The following RGS3 variants were observed in gnomAD, a reference collection of about 807,000 sequenced individuals.
RGS3 encodes regulator of G-protein signalling 3.
In RGS3, 80 loss-of-function variants were observed where a neutral mutation model predicts 132.6. The observed-to-expected ratio is 0.60, with a 90% CI of 0.50 to 0.73. RGS3 has a LOEUF of 0.73. Among genes scored for constraint, RGS3 ranks in the 30% least tolerant of loss-of-function variants. RGS3 has a pLI of 0.00. For missense variants in RGS3, 1,382 were observed against 1,530.8 expected, an observed-to-expected ratio of 0.90 and a Z score of 1.62; for synonymous variants, 598 against 620.6, an observed-to-expected ratio of 0.96 and a Z score of 0.54.
chr9:113,541,430 A>T (rs1275181804), intron 19 of RGS3: 12 of 1,613,258 alleles, frequency 7.4e-6, no homozygotes, highest in Non-Finnish European at 1.0e-5. Context: ...TTGGCTGAGC[A>T]AACCCAAGGG....
At chr9:113,476,754 C>T (rs1021064534) in intron 3 of RGS3, among the ~76,000 whole-genome samples, 3 of 152,230 alleles carry the variant, frequency 2.0e-5, no homozygotes, top group South Asian at 2.1e-4. Context: ...TGCCCAGCCT[C>T]GTGCAGATGC....
At chr9:113,454,338 C>T (rs1033558682) in intron 1 of RGS3, among the ~76,000 whole-genome samples, 8 of 151,906 alleles carry the variant, frequency 5.3e-5, no homozygotes, top group East Asian at 1.9e-4. Flanking sequence ...TAGCTGGGTG[C>T]GGTGCATGCC....
rs774757745 is a variant in RGS3, at chr9:113,463,807, A to C, written c.415+1606A>C. On this transcript the variant is annotated intron_variant, in intron 3 of 24. Coordinates refer to ENST00000350696, the Ensembl canonical transcript of RGS3. This position sits in a 1 kb window ranked among gnomAD's most constrained non-coding sequence, Gnocchi z 4.6. ...TCCGGGTCGCAGTGGGACGCCATGG[A>C]GCGCTCCCTGCACCGCGTCTCCCTC... is the stretch of plus-strand genomic sequence containing the variant. 2 of 1,611,164 alleles carry C rather than the reference A, an allele frequency of 1.2e-6. No individual in the cohort carries two copies. The highest frequency in any genetic ancestry group is 2.2e-5 in the South Asian group (2 of 90,808).
At chr9:113,523,088 G>C (rs1832036916) in intron 17 of RGS3, 47 bp downstream of exon 15, 5 of 1,227,338 alleles carry the variant, frequency 4.1e-6, no homozygotes, top group Non-Finnish European at 6.0e-6. Context: ...ACTTGCCCCA[G>C]TCCCACTGCT....
chr9:113,517,151 T>C, intron 15 of RGS3: 1 of 457,838 alleles, frequency 2.2e-6, no homozygotes, highest in Non-Finnish European at 4.4e-6. Flanking sequence ...TCAGGATGCC[T>C]CTTGGTCCTG....
At chr9:113,517,277 G>C (rs1470642628) in intron 15 of RGS3, 2 of 610,078 alleles carry the variant, frequency 3.3e-6, no homozygotes, top group Non-Finnish European at 6.1e-6. Flanking sequence ...CCTGTGGTTA[G>C]ACTTCCTGTC....
chr9:113,484,567 C>T (rs897726603), intron 6 of RGS3, among the ~76,000 whole-genome samples: 9 of 152,114 alleles, frequency 5.9e-5, no homozygotes, highest in South Asian at 2.1e-4. Context: ...CTCCTTTAGC[C>T]GAAGGAATTT....
chr9:113,596,658 G>A, intron 24 of RGS3, 110 bp from the exon 23 acceptor site: 1 of 870,754 alleles, frequency 1.1e-6, no homozygotes, highest in Non-Finnish European at 1.7e-6. Context: ...TTAAGATGTG[G>A]GGCAAAGGGG....
chr9:113,473,067 A>G lies in RGS3; in HGVS notation c.416-6424A>G, dbSNP rs891629754. On this transcript the variant is annotated intron_variant, in intron 3 of 24. Transcript: ENST00000350696. ...ATAATAAACAAAACTGATGAAATGTATGATATGTTAATTATATCCCAATAC... is the reference window on the plus strand; with the variant it reads ...ATAATAAACAAAACTGATGAAATGTGTGATATGTTAATTATATCCCAATAC... Among the ~76,000 whole-genome samples, 9 of 152,290 alleles carry G rather than the reference A, an allele frequency of 5.9e-5. No individual in the cohort carries two copies. In the South Asian group the frequency reaches 1.7e-3, roughly 28 times the overall value.
chr9:113,470,650 G>C (rs1564455982), intron 3 of RGS3, among the ~76,000 whole-genome samples: 1 of 152,062 alleles, frequency 6.6e-6, no homozygotes, highest in Non-Finnish European at 1.5e-5. Flanking sequence ...TTGTAGGTGT[G>C]CTGTGTCTGC....
intron 19 of RGS3, among the ~76,000 whole-genome samples, chr9:113,576,405 C>G (rs1588277082): frequency 6.7e-6 from 1 of 149,390 alleles, no homozygotes; most frequent in Admixed American, 6.7e-5. Context: ...GATCTTGGCT[C>G]ACTGCAACCT....
At chr9:113,562,502 A>G (rs1399572491) in intron 19 of RGS3, among the ~76,000 whole-genome samples, 3 of 151,170 alleles carry the variant, frequency 2.0e-5, no homozygotes, top group Admixed American at 6.6e-5. Flanking sequence ...AAAAGAAATC[A>G]TATCTGATAG....
intron 20 of RGS3, among the ~76,000 whole-genome samples, chr9:113,589,622 G>C (rs757363546): frequency 6.6e-6 from 1 of 152,204 alleles, no homozygotes; most frequent in Non-Finnish European, 1.5e-5. Context: ...CCCAGGGCCC[G>C]AGGGCTCTTT....
intron 11 of RGS3, 61 bp downstream of exon 9, chr9:113,505,584 A>G: frequency 7.3e-7 from 1 of 1,378,918 alleles, no homozygotes; most frequent in Non-Finnish European, 1.0e-6. Flanking sequence ...GGCTTTGCAA[A>G]CATAGTCTGG....
intron 3 of RGS3, among the ~76,000 whole-genome samples, chr9:113,477,189 A>G (rs1830021436): frequency 6.6e-6 from 1 of 152,234 alleles, no homozygotes; most frequent in East Asian, 1.9e-4. Context: ...ACCTGCCAGC[A>G]TTATCTGATC....
Position 113,569,637 on chromosome 9 carries a change from C to T in RGS3, c.2038-13813C>T, listed in dbSNP as rs7872192. ...TCCTTCCTTCCTTCCTTCCTTCCTTCCTTCCCTCCTTCCTTCCATGTGTGT... is the reference window on the plus strand; with the variant it reads ...TCCTTCCTTCCTTCCTTCCTTCCTTTCTTCCCTCCTTCCTTCCATGTGTGT... On this transcript the variant is annotated intron_variant, in intron 19 of 24. Transcript: ENST00000350696. Among the ~76,000 whole-genome samples, 2 of 149,880 alleles carry T rather than the reference C, an allele frequency of 1.3e-5. 1 individual carries two copies. Among genetic ancestry groups the T allele is most frequent in the Non-Finnish European group, 3.0e-5 (2 of 67,416 alleles).
At chr9:113,461,056 G>A (rs533130916) in intron 1 of RGS3, among the ~76,000 whole-genome samples, 78 of 152,232 alleles carry the variant, frequency 5.1e-4, no homozygotes, top group Middle Eastern at 3.4e-3. Context: ...TGTGTGGGGT[G>A]TGTTTGTATA....
rs1376100617 is a variant in RGS3 at position 113,573,049 on chromosome 9, TG to T, written c.2038-10400del. ...AGATGCTTATTGAGCACTTACTAGG[TG>T]CCAGGCCCTATGCTAAGCCCTCCCC... On this transcript the variant is annotated intron_variant, in intron 19 of 24. Transcript: ENST00000350696. Among the ~76,000 whole-genome samples, 3 of 152,208 alleles carry T rather than the reference TG, an allele frequency of 2.0e-5. No individual in the cohort carries two copies. In the East Asian group the frequency reaches 5.8e-4, roughly 29 times the overall value.
At chr9:113,482,991 C>G (rs1266031726) in intron 4 of RGS3, 68 bp from the exon 3 acceptor site, 4 of 1,610,448 alleles carry the variant, frequency 2.5e-6, no homozygotes, top group East Asian at 2.2e-5. Context: ...CTATGTGTGT[C>G]TCTCTTTCTC....
Sources: allele counts gnomAD v4.1 joint callset (sites outside exome capture counted in the v4.1 genomes callset), GRCh38; gene constraint gnomAD v4.1.1; non-coding constraint Gnocchi (gnomAD v3.1); transcripts MANE v1.5; gene names NCBI Gene and HGNC (gene_info 2026-07-23, HGNC 2026-07-21).